TLE1: variants seen among roughly 807,000 people sequenced by gnomAD.
TLE1 encodes the protein TLE family member 1, transcriptional corepressor, also known as transducin-like enhancer protein 1.
A neutral mutation model predicts 89.8 loss-of-function variants in TLE1; 21 were observed. The observed-to-expected ratio is 0.23, with a 90% CI of 0.17 to 0.34. The LOEUF (loss-of-function observed/expected upper bound fraction) is 0.34, where lower values mean the gene tolerates loss of function less well. TLE1 is among the 10% of genes least tolerant of loss of function. TLE1 has a pLI of 1.00. For missense variants in TLE1, 795 were observed against 1,031.2 expected (o/e 0.77, Z 3.14); for synonymous variants, 447 against 407.6 (o/e 1.10, Z -1.16).
chr9:81,675,698 G>GTTTTTT lies in TLE1; in HGVS notation c.234+9972_234+9977dup, dbSNP rs35060460. Among the ~76,000 whole-genome samples, 372 of 129,514 alleles carry GTTTTTT rather than the reference G, an allele frequency of 2.9e-3. 32 individuals carry two copies. The highest frequency in any genetic ancestry group is 6.1e-3 in the South Asian group (25 of 4,128). 85.0% of individuals were successfully genotyped at this position (129,514 alleles called of 152,430 possible). On this transcript the variant is annotated intron_variant, in intron 4 of 19. Coordinates refer to ENST00000376499, the MANE Select transcript of TLE1 (RefSeq NM_005077.5). ...AATTTTAGCATAAGGACTCACACTA[G>GTTTTTT]TTTTTTTTTGTTTTTTTTTTTGAGA...
rs35060460 is a variant in TLE1, at chr9:81,675,698, G to GTTTTTTTTTTTTTTTTTTTTT, written c.234+9977_234+9978insAAAAAAAAAAAAAAAAAAAAA. Among the ~76,000 whole-genome samples, 351 of 129,594 alleles carry GTTTTTTTTTTTTTTTTTTTTT rather than the reference G, an allele frequency of 2.7e-3. 70 individuals carry two copies. Among genetic ancestry groups the GTTTTTTTTTTTTTTTTTTTTT allele is most frequent in the African/African-American group, 8.7e-3 (264 of 30,350 alleles). The allele number at this position is 129,594 out of a possible 152,430, so 85.0% of individuals were successfully genotyped here. A position where few individuals can be genotyped will look rare whatever the true frequency, so the allele number is the denominator to read the frequency against. On this transcript the variant is annotated intron_variant, in intron 4 of 19. Coordinates refer to ENST00000376499, the MANE Select transcript of TLE1 (RefSeq NM_005077.5). Reference sequence around the variant, plus strand: ...AATTTTAGCATAAGGACTCACACTAGTTTTTTTTTGTTTTTTTTTTTGAGA... The same window carrying GTTTTTTTTTTTTTTTTTTTTT: ...AATTTTAGCATAAGGACTCACACTAGTTTTTTTTTTTTTTTTTTTTTTTTTTTTTTGTTTTTTTTTTTGAGA...
At chr9:81,652,790 TAAATA>T (rs1029969460) in intron 5 of TLE1, among the ~76,000 whole-genome samples, 3 of 152,214 alleles carry the variant, frequency 2.0e-5, no homozygotes, top group Admixed American at 6.5e-5. Flanking sequence ...TTAAAATAAA[TAAATA>T]AAATACCCAT....
intron 17 of TLE1, among the ~76,000 whole-genome samples, chr9:81,586,474 T>A (rs957320901): frequency 6.6e-6 from 1 of 152,222 alleles, no homozygotes; most frequent in Non-Finnish European, 1.5e-5. Context: ...TACATCCAGA[T>A]ACATCTAAAC....
rs1050624358 is a variant in TLE1 at position 81,686,784 on chromosome 9, C to T, written c.125+550G>A. 9.2e-5 allele frequency among the ~76,000 whole-genome samples: 14 copies of T among 152,146 alleles called. No individual in the cohort carries two copies. In the East Asian group the frequency reaches 2.7e-3, roughly 29 times the overall value. ...ATAAATGTGACTCCACTCTCTCATC[C>T]TACCCAAACCAATCCGAAATGACGC... On this transcript the variant is annotated intron_variant, in intron 2 of 19. Transcript: ENST00000376499.
chr9:81,656,254 AGCATGGGCAAGGCTTTCCTTTGCAAC>A (rs1386214170), intron 4 of TLE1, among the ~76,000 whole-genome samples: 3 of 148,890 alleles, frequency 2.0e-5, no homozygotes, highest in Non-Finnish European at 4.6e-5. Flanking sequence ...TCTCCTCGAA[AGCATGGGCAAGGCTTTCCTTTGCAAC>A]AGGGTTCTGC....
chr9:81,654,968 G>C (rs948052745), intron 4 of TLE1, among the ~76,000 whole-genome samples: 2 of 152,132 alleles, frequency 1.3e-5, no homozygotes, highest in African/African-American at 4.8e-5. Context: ...GGAAAGTTTC[G>C]CCACAGTTCA....
intron 4 of TLE1, among the ~76,000 whole-genome samples, chr9:81,673,559 T>G: frequency 6.6e-6 from 1 of 152,230 alleles, no homozygotes; most frequent in Admixed American, 6.5e-5. Flanking sequence ...ACGCAACTGC[T>G]CCTGCATTTG....
chr9:81,631,884 C>T (rs113253629), intron 8 of TLE1, among the ~76,000 whole-genome samples: 25,880 of 151,960 alleles, frequency 0.17, 3,618 homozygotes, highest in African/African-American at 0.39. Flanking sequence ...AGGCGGATCA[C>T]CTGAGGTTGG....
At chr9:81,675,719 T>TTTTTTTTTTTTTTTTTTAG in intron 4 of TLE1, among the ~76,000 whole-genome samples, 1 of 150,194 alleles carries the variant, frequency 6.7e-6, no homozygotes, top group South Asian at 2.1e-4. Flanking sequence ...TTTTTTTTTT[T>TTTTTTTTTTTTTTTTTTAG]GAGACGGAGT....
intron 8 of TLE1, among the ~76,000 whole-genome samples, chr9:81,622,310 G>A (rs967192346): frequency 6.6e-6 from 1 of 152,158 alleles, no homozygotes; most frequent in Non-Finnish European, 1.5e-5. Context: ...AGCAAAATGG[G>A]GCACAGAGGC....
At chr9:81,673,709 G>A (rs1832540669) in intron 4 of TLE1, among the ~76,000 whole-genome samples, 1 of 146,358 alleles carries the variant, frequency 6.8e-6, no homozygotes, top group South Asian at 2.1e-4. Flanking sequence ...GACACGGGGA[G>A]GGGGCGGCTT....
Position 81,606,475 on chromosome 9 carries a change from C to T in TLE1, c.1331+3745G>A, listed in dbSNP as rs537338831. ...GATGAGTTCATGTCCTTTGCAGGGA[C>T]ATGGATGAAGCTGGAAACCATCATT... On this transcript the variant is annotated intron_variant, in intron 14 of 19. Transcript: ENST00000376499. Among the ~76,000 whole-genome samples the T allele has an allele frequency of 2.5e-3, 383 of 152,222 alleles. 2 individuals carry two copies. Among genetic ancestry groups the T allele is most frequent in the African/African-American group, 8.8e-3 (366 of 41,536 alleles).
chr9:81,677,866 A>G (rs1165227823), intron 4 of TLE1, among the ~76,000 whole-genome samples: 3 of 152,238 alleles, frequency 2.0e-5, no homozygotes, highest in Non-Finnish European at 4.4e-5. Context: ...CAAGCTACAT[A>G]TACAACTCTA....
intron 8 of TLE1, among the ~76,000 whole-genome samples, chr9:81,623,991 T>A (rs1292622087): frequency 1.3e-5 from 2 of 151,722 alleles, no homozygotes; most frequent in African/African-American, 4.9e-5. Context: ...GCCAAGCGGC[T>A]CTGTCCACCA....
intron 14 of TLE1, among the ~76,000 whole-genome samples, chr9:81,609,549 C>T (rs1313147054): frequency 6.6e-6 from 1 of 152,150 alleles, no homozygotes; most frequent in African/African-American, 2.4e-5. Flanking sequence ...TAAAGTGACC[C>T]AGGAAGAATA....
intron 13 of TLE1, among the ~76,000 whole-genome samples, chr9:81,610,888 C>T (rs565283970): frequency 1.3e-5 from 2 of 152,228 alleles, no homozygotes; most frequent in African/African-American, 4.8e-5. Context: ...CTTTGTGCAG[C>T]GTTAAGGACA....
At chr9:81,642,934 T>C (rs890411298) in intron 6 of TLE1, among the ~76,000 whole-genome samples, 3 of 152,174 alleles carry the variant, frequency 2.0e-5, no homozygotes, top group African/African-American at 7.2e-5. Flanking sequence ...TACGACAACA[T>C]GGGCAGATGT....
At chr9:81,599,121 A>C (rs1175930471) in intron 14 of TLE1, among the ~76,000 whole-genome samples, 1 of 152,230 alleles carries the variant, frequency 6.6e-6, no homozygotes. Context: ...ATGGGAAAGT[A>C]CTTCAAGAAA....
chr9:81,689,426 G>C lies in TLE1; in HGVS notation c.-1186C>G, dbSNP rs1212709878. On this transcript the variant is annotated 5_prime_UTR_variant, in exon 1 of 20. Coordinates refer to ENST00000376499, the MANE Select transcript of TLE1 (RefSeq NM_005077.5). ...CGCCCGGCCGTGCGAGGGTGGGGTG[G>C]CGCAGTCGGCTGCCTCCGGGACGCG... The C allele has an allele frequency of 6.5e-6, 1 of 152,918 alleles. No homozygotes were observed. Among genetic ancestry groups the C allele is most frequent in the Non-Finnish European group, 1.5e-5 (1 of 68,166 alleles). 9.5% of individuals were successfully genotyped at this position (152,918 alleles called of 1,614,324 possible).
Sources: allele counts gnomAD v4.1 joint callset (sites outside exome capture counted in the v4.1 genomes callset), GRCh38; gene constraint gnomAD v4.1.1; transcripts MANE v1.5; gene names NCBI Gene and HGNC (gene_info 2026-07-23, HGNC 2026-07-21).